SIX2: variants seen among roughly 807,000 people sequenced by gnomAD.
SIX2 encodes the protein SIX homeobox 2.
Under a neutral mutation model 22.8 loss-of-function variants are expected in SIX2, and 20 were observed. The observed-to-expected ratio is 0.88, with a 90% CI of 0.62 to 1.28. The LOEUF (loss-of-function observed/expected upper bound fraction) is 1.28, where lower values mean the gene tolerates loss of function less well. Among genes scored for constraint, SIX2 ranks in the 50% most tolerant of loss-of-function variants. The pLI, the probability that SIX2 is intolerant of heterozygous loss-of-function variation, is 0.00. For missense variants in SIX2, 360 were observed against 400.0 expected, an observed-to-expected ratio of 0.90 and a Z score of 0.85; for synonymous variants, 195 against 186.4, an observed-to-expected ratio of 1.05 and a Z score of -0.37.
chr2:45,007,328 C>A (rs1248086443), intron 1 of SIX2, among the ~76,000 whole-genome samples: 2 of 152,146 alleles, frequency 1.3e-5, no homozygotes, highest in Non-Finnish European at 2.9e-5. Flanking sequence ...GGAGGGGGAC[C>A]CAGCAGAGAG....
chr2:45,007,790 C>T (rs1667792603), intron 1 of SIX2, among the ~76,000 whole-genome samples: 1 of 152,126 alleles, frequency 6.6e-6, no homozygotes, highest in Non-Finnish European at 1.5e-5. Flanking sequence ...TCCTGGTTTA[C>T]CTGAGGACAT....
rs1487951253 is a variant in SIX2, at chr2:45,008,568, C to A, written c.543G>T (p.Ala181=). Residue 181 remains alanine, a synonymous_variant, in exon 1 of 2, where the codon GCG becomes GCT. Transcript: ENST00000303077. The stretch of plus-strand genomic sequence containing the variant: ...ACTCGTACCTTTCCTTGGCCTCGGC[C>A]GCCCGGTCGCGCTGCCGCCGGTTCT... ...WFKNRRQRDR[A]AEAKERENNE... 1 of 1,613,838 alleles carries A rather than the reference C, an allele frequency of 6.2e-7. No individual in the cohort carries two copies. The highest frequency in any genetic ancestry group is 1.3e-5 in the African/African-American group (1 of 75,070).
chr2:45,008,518 A>T, intron 1 of SIX2, 33 bp downstream of exon 1: 2 of 1,606,406 alleles, frequency 1.2e-6, no homozygotes, highest in Non-Finnish European at 1.7e-6. Context: ...GGCCCCGGGG[A>T]GCTGGCGCCG....
chr2:45,007,403 G>C (rs530303798), intron 1 of SIX2, among the ~76,000 whole-genome samples: 1 of 152,084 alleles, frequency 6.6e-6, no homozygotes, highest in Non-Finnish European at 1.5e-5. Context: ...TAAAATCCTG[G>C]GTAGGATCTC....
chr2:45,006,368 T>C lies in SIX2; in HGVS notation c.678A>G (p.Ser226=). ...GGCTGAGGAGCAGTGCGGGGCTGGA[T>C]GATGAGTGGTCTGGCGTCCCCGATG... The part of the protein sequence containing the change: ...KTPSGTPDHS[S]SSPALLLSPP... Residue 226 remains serine (S), a synonymous_variant, in exon 2 of 2, where the codon TCA becomes TCG. Coordinates refer to ENST00000303077, the MANE Select transcript of SIX2 (RefSeq NM_016932.5). The surrounding 1 kb of genome is among the most constrained non-coding windows in gnomAD (Gnocchi z 4.2). 6.2e-7 allele frequency: 1 copy of C among 1,614,174 alleles called. No individual in the cohort carries two copies. Among genetic ancestry groups the C allele is most frequent in the Non-Finnish European group, 8.5e-7 (1 of 1,180,018 alleles).
chr2:45,009,242 C>G lies in SIX2; in HGVS notation c.-132G>C. 1 of 638,590 alleles carries G rather than the reference C, an allele frequency of 1.6e-6. No homozygotes were observed. The highest frequency in any genetic ancestry group is 2.1e-6 in the Non-Finnish European group (1 of 467,392). 39.6% of individuals were successfully genotyped at this position (638,590 alleles called of 1,614,324 possible). A position where few individuals can be genotyped will look rare whatever the true frequency, so the allele number is the denominator to read the frequency against. On this transcript the variant is annotated 5_prime_UTR_variant, in exon 1 of 2. Coordinates refer to ENST00000303077, the MANE Select transcript of SIX2 (RefSeq NM_016932.5). ...GGCCCCCTGGCCCGGCACTGGCCCC[C>G]GGTGAGCCCCGAGTCACTGCCGTAC...
Position 45,008,565 on chromosome 2 carries a change from G to A in SIX2, c.546C>T (p.Ala182=), listed in dbSNP as rs149963762. 3.7e-6 allele frequency: 6 copies of A among 1,613,688 alleles called. No individual in the cohort carries two copies. The highest frequency in any genetic ancestry group is 3.3e-5 in the Admixed American group (2 of 60,014). The part of the protein sequence containing the change: ...FKNRRQRDRA[A]EAKERENNEN... ...CTTACTCGTACCTTTCCTTGGCCTCGGCCGCCCGGTCGCGCTGCCGCCGGT... is the reference window on the plus strand; with the variant it reads ...CTTACTCGTACCTTTCCTTGGCCTCAGCCGCCCGGTCGCGCTGCCGCCGGT... The change falls in exon 1 of 2, where the codon GCC becomes GCT. Residue 182 remains alanine (A), a synonymous_variant. Transcript: ENST00000303077.
Position 45,005,907 on chromosome 2 carries a change from A to C in SIX2, c.*263T>G. Reference sequence around the variant, plus strand: ...AAGAGACAGAGGGAGAGAGAGAATGACAGTGGTGTATAATTTATTCCCTTC... The same window carrying C: ...AAGAGACAGAGGGAGAGAGAGAATGCCAGTGGTGTATAATTTATTCCCTTC... On this transcript the variant is annotated 3_prime_UTR_variant, in exon 2 of 2. Transcript: ENST00000303077. 1.7e-6 allele frequency: 1 copy of C among 588,210 alleles called. No homozygotes were observed. The highest frequency in any genetic ancestry group is 3.1e-6 in the Non-Finnish European group (1 of 327,034). The allele number at this position is 588,210 out of a possible 1,614,324, so 36.4% of individuals were successfully genotyped here.
intron 1 of SIX2, among the ~76,000 whole-genome samples, chr2:45,007,665 C>G (rs1465784935): frequency 6.6e-6 from 1 of 152,098 alleles, no homozygotes; most frequent in Non-Finnish European, 1.5e-5. Context: ...TTGCTCTTAC[C>G]CCGGGCTGGA....
In SIX2 at chr2:45,006,608, G is replaced by A; in HGVS notation, c.561-123C>T. 2.1e-6 allele frequency: 2 copies of A among 939,330 alleles called. No individual in the cohort carries two copies. 58.2% of individuals were successfully genotyped at this position (939,330 alleles called of 1,614,324 possible). On this transcript the variant is annotated intron_variant, in intron 1 of 1. Coordinates refer to ENST00000303077, the MANE Select transcript of SIX2 (RefSeq NM_016932.5). This position sits in a 1 kb window ranked among gnomAD's most constrained non-coding sequence, Gnocchi z 4.2. ...ACAGATCCCGGGCTTGTGGCCTGCG[G>A]GTGTTTTCGGTTTCTACCATTTCCT...
At chr2:45,008,166 A>G (rs552457973) in intron 1 of SIX2, among the ~76,000 whole-genome samples, 28 of 152,364 alleles carry the variant, frequency 1.8e-4, no homozygotes, top group South Asian at 6.2e-4. Flanking sequence ...ACCACCAGCA[A>G]GAAATCTGCA....
Position 45,006,057 on chromosome 2 carries a change from T to A in SIX2, c.*113A>T. The A allele has an allele frequency of 1.8e-6, 2 of 1,126,476 alleles. No individual in the cohort carries two copies. The highest frequency in any genetic ancestry group is 1.4e-6 in the Non-Finnish European group (1 of 735,588). 69.8% of individuals were successfully genotyped at this position (1,126,476 alleles called of 1,614,324 possible). A position where few individuals can be genotyped will look rare whatever the true frequency, so the allele number is the denominator to read the frequency against. ...ACCCGGCTGTTCTACCCGCTCAGCC[T>A]GCGGGTCTTTCAGTACCTGGTGGGG... On this transcript the variant is annotated 3_prime_UTR_variant, in exon 2 of 2. Coordinates refer to ENST00000303077, the MANE Select transcript of SIX2 (RefSeq NM_016932.5). The surrounding 1 kb of genome is among the most constrained non-coding windows in gnomAD (Gnocchi z 4.2).
Position 45,009,310 on chromosome 2 carries a change from A to G in SIX2, c.-200T>C, listed in dbSNP as rs1278370826. On this transcript the variant is annotated 5_prime_UTR_variant, in exon 1 of 2. Coordinates refer to ENST00000303077, the MANE Select transcript of SIX2 (RefSeq NM_016932.5). ...GGGTCCCACGAAGCTCCGAACCCCA[A>G]CGGCCCGCGCGCCTGGCCCAAGCCC... is the stretch of plus-strand genomic sequence containing the variant. 8 of 246,126 alleles carry G rather than the reference A, an allele frequency of 3.3e-5. No homozygotes were observed. In the East Asian group the frequency reaches 7.1e-4, roughly 22 times the overall value. The allele number at this position is 246,126 out of a possible 1,614,324, so 15.2% of individuals were successfully genotyped here.
chr2:45,008,628 C>G lies in SIX2; in HGVS notation c.483G>C (p.Thr161=), dbSNP rs760060428. Residue 161 remains threonine (T), a synonymous_variant, in exon 1 of 2, where the codon ACG becomes ACC. Transcript: ENST00000303077. ...PREKRELAEA[T]GLTTTQVSNW... is the part of the protein sequence containing the mutation. ...TGCTGACCTGTGTGGTGGTGAGGCC[C>G]GTGGCCTCCGCCAGCTCACGCTTCT... 14 of 1,613,914 alleles carry G rather than the reference C, an allele frequency of 8.7e-6. No homozygotes were observed. The highest frequency in any genetic ancestry group is 1.2e-5 in the Non-Finnish European group (14 of 1,179,966).
rs759311436 is a variant in SIX2, at chr2:45,008,823, C to T, written c.288G>A (p.Glu96=). 2 of 1,613,792 alleles carry T rather than the reference C, an allele frequency of 1.2e-6. No individual in the cohort carries two copies. Among genetic ancestry groups the T allele is most frequent in the East Asian group, 2.2e-5 (1 of 44,894 alleles). Residue 96 remains glutamate (E), a synonymous_variant, in exon 1 of 2, where the codon GAG becomes GAA. Coordinates refer to ENST00000303077, the MANE Select transcript of SIX2 (RefSeq NM_016932.5). ...CGCCCAGGGGTCGGCCGCGCAGCTT[C>T]TCCGCCTCGATGTAGTGTGCCTTGA... ...LWLKAHYIEA[E]KLRGRPLGAV...
rs752521871 is a variant in SIX2 at position 45,008,659 on chromosome 2, G to A, written c.452C>T (p.Pro151Leu). ...EWYAHNPYPSPREKRELAEAT... is the reference protein window; with the variant it reads ...EWYAHNPYPSLREKRELAEAT... ...CTCCGCCAGCTCACGCTTCTCGCGG[G>A]GTGAAGGGTAGGGGTTGTGCGCGTA... Residue 151 changes from proline to leucine, a missense_variant, in exon 1 of 2, where the codon CCC becomes CTC. By Grantham distance (98) the Pro-to-Leu change is moderately conservative. This residue lies in a region of SIX2 where 235 missense variants were observed against 231.9 expected (regional missense o/e 1.01). Coordinates refer to ENST00000303077, the MANE Select transcript of SIX2 (RefSeq NM_016932.5). 39 of 1,613,990 alleles carry A rather than the reference G, an allele frequency of 2.4e-5. No individual in the cohort carries two copies. Among genetic ancestry groups the A allele is most frequent in the Non-Finnish European group, 3.3e-5 (39 of 1,179,974 alleles).
Position 45,009,200 on chromosome 2 carries a change from G to A in SIX2, c.-90C>T, listed in dbSNP as rs1481819235. On this transcript the variant is annotated 5_prime_UTR_variant, in exon 1 of 2. Transcript: ENST00000303077. ...GCTTCCTCGCCGGGCCGTCCGGGCCGAGACGCGGGCGGGGCTGGCCCCCTG... is the reference window on the plus strand; with the variant it reads ...GCTTCCTCGCCGGGCCGTCCGGGCCAAGACGCGGGCGGGGCTGGCCCCCTG... 4.4e-6 allele frequency: 5 copies of A among 1,148,850 alleles called. No individual in the cohort carries two copies. Among genetic ancestry groups the A allele is most frequent in the South Asian group, 2.9e-5 (1 of 35,050 alleles). 71.2% of individuals were successfully genotyped at this position (1,148,850 alleles called of 1,614,324 possible). A position where few individuals can be genotyped will look rare whatever the true frequency, so the allele number is the denominator to read the frequency against.
Position 45,005,802 on chromosome 2 carries a change from C to T in SIX2, c.*368G>A, listed in dbSNP as rs984268679. The T allele has an allele frequency of 1.1e-5, 4 of 372,432 alleles. No homozygotes were observed. The highest frequency in any genetic ancestry group is 2.0e-5 in the Non-Finnish European group (4 of 198,018). 23.1% of individuals were successfully genotyped at this position (372,432 alleles called of 1,614,324 possible). On this transcript the variant is annotated 3_prime_UTR_variant, in exon 2 of 2. Coordinates refer to ENST00000303077, the MANE Select transcript of SIX2 (RefSeq NM_016932.5). Reference sequence around the variant, plus strand: ...AGCAATACAAGGAGAGGGAGAAAGACAGAAAGCAGAAAAAAGAAAAGAGAA... The same window carrying T: ...AGCAATACAAGGAGAGGGAGAAAGATAGAAAGCAGAAAAAAGAAAAGAGAA...
At position 45,006,205 on chromosome 2, in the gene SIX2, G is replaced by A. The variant is rs1156338487; in HGVS notation, c.841C>T (p.Pro281Ser). ...HHGLQDSILNPMSANLVDLGS is the reference protein window; with the variant it reads ...HHGLQDSILNSMSANLVDLGS ...AGGTCCACGAGGTTGGCTGACATGG[G>A]GTTGAGGATGGAGTCCTGCAGGCCA... The change falls in exon 2 of 2, where the codon CCC becomes TCC. Residue 281 changes from proline (P) to serine (S), a missense_variant. Physicochemically the swap from Pro to Ser is moderately conservative, Grantham distance 74 (BLOSUM62 -1). Coordinates refer to ENST00000303077, the MANE Select transcript of SIX2 (RefSeq NM_016932.5). The surrounding 1 kb of genome is among the most constrained non-coding windows in gnomAD (Gnocchi z 4.2). 1.2e-6 allele frequency: 2 copies of A among 1,614,124 alleles called. No individual in the cohort carries two copies. The highest frequency in any genetic ancestry group is 1.7e-6 in the Non-Finnish European group (2 of 1,180,048).
Sources: allele counts gnomAD v4.1 joint callset (sites outside exome capture counted in the v4.1 genomes callset), GRCh38; gene constraint gnomAD v4.1.1; regional missense constraint gnomAD v4.1.1; non-coding constraint Gnocchi (gnomAD v3.1); transcripts MANE v1.5; gene names NCBI Gene and HGNC (gene_info 2026-07-23, HGNC 2026-07-21).